The following ADGRA2 variants were observed in gnomAD, a reference collection of about 807,000 sequenced individuals.
The protein encoded by ADGRA2 is adhesion G protein-coupled receptor A2.
In ADGRA2, 61 loss-of-function variants were observed where a neutral mutation model predicts 98.7. The observed-to-expected ratio is 0.62, with a 90% CI of 0.50 to 0.76. ADGRA2 has a LOEUF of 0.76. ADGRA2 is among the 30% of genes least tolerant of loss of function. The pLI, the probability that ADGRA2 is intolerant of heterozygous loss-of-function variation, is 0.00. For missense variants in ADGRA2, 1,712 were observed against 1,860.0 expected, an observed-to-expected ratio of 0.92 and a Z score of 1.46; for synonymous variants, 858 against 831.5, an observed-to-expected ratio of 1.03 and a Z score of -0.55.
chr8:37,831,413 C>T lies in ADGRA2; in HGVS notation c.933-10C>T, dbSNP rs1193391167. On this transcript the variant is annotated splice_polypyrimidine_tract_variant and intron_variant, in intron 7 of 18. Transcript: ENST00000412232. ...GTGACTCACGAGCCAGCTCCACCTG[C>T]CACCCGCAGTGAGCTGACGCTGTCT... 2 of 1,608,086 alleles carry T rather than the reference C, an allele frequency of 1.2e-6. No individual in the cohort carries two copies. Among genetic ancestry groups the T allele is most frequent in the Non-Finnish European group, 8.5e-7 (1 of 1,179,364 alleles).
intron 17 of ADGRA2, 104 bp downstream of exon 17, chr8:37,840,370 T>C: frequency 7.9e-7 from 1 of 1,261,372 alleles, no homozygotes; most frequent in Non-Finnish European, 1.1e-6. Flanking sequence ...CCCTGGGAGA[T>C]CACTCTCCAA....
In ADGRA2 at chr8:37,834,078, G is replaced by A. The variant is rs1217024867; in HGVS notation, c.1558G>A (p.Glu520Lys). ...KACSRIVGALERIGGAALSPH... is the reference protein window; with the variant it reads ...KACSRIVGALKRIGGAALSPH... ...CTGCAGCCGCATCGTGGGTGCCCTG[G>A]AGCGCATTGGGGGGGCCGCCCTCAG... is the stretch of plus-strand genomic sequence containing the variant. Residue 520 changes from glutamate (E) to lysine (K), a missense_variant, in exon 11 of 19, where the codon GAG becomes AAG. Physicochemically the swap from Glu to Lys is moderately conservative, Grantham distance 56 (BLOSUM62 1). Coordinates refer to ENST00000412232, the MANE Select transcript of ADGRA2 (RefSeq NM_032777.10). This position sits in a 1 kb window ranked among gnomAD's most constrained non-coding sequence, Gnocchi z 4.2. 1 of 1,612,832 alleles carries A rather than the reference G, an allele frequency of 6.2e-7. No homozygotes were observed. Among genetic ancestry groups the A allele is most frequent in the Non-Finnish European group, 8.5e-7 (1 of 1,179,946 alleles).
rs1203425427 is a variant in ADGRA2, at chr8:37,834,551, G to A, written c.1608+423G>A. Among the ~76,000 whole-genome samples, 2 of 152,186 alleles carry A rather than the reference G, an allele frequency of 1.3e-5. No homozygotes were observed. The highest frequency in any genetic ancestry group is 2.9e-5 in the Non-Finnish European group (2 of 68,028). ...AGATATTGTGCTAGGCCCTTGGGGC[G>A]ATGCAAAGGGGTGAGACATGGAGCC... On this transcript the variant is annotated intron_variant, in intron 11 of 18. Transcript: ENST00000412232. The surrounding 1 kb of genome is among the most constrained non-coding windows in gnomAD (Gnocchi z 4.2).
At chr8:37,827,130 T>A (rs1481054357) in intron 2 of ADGRA2, among the ~76,000 whole-genome samples, 2 of 152,226 alleles carry the variant, frequency 1.3e-5, no homozygotes, top group African/African-American at 2.4e-5. Context: ...GGAGGCCCAC[T>A]GGGCTGTGAG....
chr8:37,805,880 A>G (rs1287647720), intron 1 of ADGRA2, among the ~76,000 whole-genome samples: 1 of 151,952 alleles, frequency 6.6e-6, no homozygotes. Flanking sequence ...AACAAAAACA[A>G]ACAAACAAAC....
At chr8:37,819,511 G>A (rs1275587978) in intron 2 of ADGRA2, among the ~76,000 whole-genome samples, 1 of 152,088 alleles carries the variant, frequency 6.6e-6, no homozygotes, top group Admixed American at 6.5e-5. Flanking sequence ...TGGGATTACA[G>A]GCACACGCCA....
chr8:37,813,617 C>G (rs537395814), intron 1 of ADGRA2, among the ~76,000 whole-genome samples: 2 of 152,266 alleles, frequency 1.3e-5, no homozygotes, highest in East Asian at 3.9e-4. Context: ...TAGGCAGGGA[C>G]TGGACGGGTG....
chr8:37,828,443 G>A (rs985146669), intron 2 of ADGRA2, among the ~76,000 whole-genome samples: 1 of 150,116 alleles, frequency 6.7e-6, no homozygotes, highest in African/African-American at 2.4e-5. Flanking sequence ...GCTGATGGTA[G>A]CCAGGGAGGC....
intron 2 of ADGRA2, among the ~76,000 whole-genome samples, chr8:37,817,127 C>T (rs1365727045): frequency 6.6e-6 from 1 of 152,130 alleles, no homozygotes; most frequent in African/African-American, 2.4e-5. Context: ...GACACCCATT[C>T]CACCGTGGAA....
rs779131291 is a variant in ADGRA2 at position 37,841,654 on chromosome 8, G to T, written c.3316G>T (p.Gly1106Cys). The change falls in exon 19 of 19, where the codon GGT becomes TGT. Residue 1106 changes from glycine to cysteine, a missense_variant. Physicochemically the swap from Gly to Cys is radical, Grantham distance 159. Coordinates refer to ENST00000412232, the MANE Select transcript of ADGRA2 (RefSeq NM_032777.10). This position sits in a 1 kb window ranked among gnomAD's most constrained non-coding sequence, Gnocchi z 5.0. Reference protein sequence around the residue: ...PRALPAAAEDGSPVFGEGPPS... With the variant: ...PRALPAAAEDCSPVFGEGPPS... ...GGCCCTGCCCGCCGCCGCAGAGGAC[G>T]GTTCCCCGGTGTTCGGGGAGGGCCC... is the stretch of plus-strand genomic sequence containing the variant. 1 of 1,525,118 alleles carries T rather than the reference G, an allele frequency of 6.6e-7. No individual in the cohort carries two copies. The highest frequency in any genetic ancestry group is 8.8e-7 in the Non-Finnish European group (1 of 1,136,212). 94.5% of individuals were successfully genotyped at this position (1,525,118 alleles called of 1,614,324 possible).
chr8:37,811,781 T>C (rs1804839617), intron 1 of ADGRA2, among the ~76,000 whole-genome samples: 1 of 151,050 alleles, frequency 6.6e-6, no homozygotes, highest in African/African-American at 2.4e-5. Context: ...TGGCCCAACT[T>C]TTAAACTTTT....
Position 37,797,137 on chromosome 8 carries a change from C to A in ADGRA2, c.-132C>A, listed in dbSNP as rs1021966360. 3.2e-5 allele frequency: 20 copies of A among 632,834 alleles called. No homozygotes were observed. In the African/African-American group the frequency reaches 3.5e-4, roughly 11 times the overall value. The allele number at this position is 632,834 out of a possible 1,614,324, so 39.2% of individuals were successfully genotyped here. On this transcript the variant is annotated 5_prime_UTR_variant, in exon 1 of 19. Coordinates refer to ENST00000412232, the MANE Select transcript of ADGRA2 (RefSeq NM_032777.10). This position sits in a 1 kb window ranked among gnomAD's most constrained non-coding sequence, Gnocchi z 5.3. ...GCGGCGGGGACCCCGGGGCTCGCCT[C>A]CGCCCAGGGCCCCCCTCCACGCCCT...
chr8:37,835,912 C>A (rs1432823195), intron 13 of ADGRA2, 142 bp downstream of exon 13: 4 of 632,846 alleles, frequency 6.3e-6, no homozygotes, highest in Non-Finnish European at 1.1e-5. Context: ...CACCTTTTCC[C>A]AACAGGGCAG....
intron 2 of ADGRA2, among the ~76,000 whole-genome samples, chr8:37,823,022 C>T (rs970029763): frequency 8.0e-5 from 12 of 150,942 alleles, no homozygotes; most frequent in African/African-American, 2.9e-4. Flanking sequence ...CTCCTGAGTA[C>T]CTGGGATTAC....
In ADGRA2 at chr8:37,841,239, G is replaced by A; in HGVS notation, c.2901G>A (p.Leu967=). The A allele has an allele frequency of 1.2e-6, 2 of 1,613,456 alleles. No individual in the cohort carries two copies. The highest frequency in any genetic ancestry group is 1.7e-6 in the Non-Finnish European group (2 of 1,179,880). ...AGGCGGGCAACAGCAGGGCCTCCCT[G>A]GAGGCAGGGGAGGAGCTGAGGGGTT... The part of the protein sequence containing the change: ...NPKAGNSRAS[L]EAGEELRGST... Residue 967 remains leucine (L), a synonymous_variant, in exon 19 of 19, where the codon CTG becomes CTA. Coordinates refer to ENST00000412232, the MANE Select transcript of ADGRA2 (RefSeq NM_032777.10). The surrounding 1 kb of genome is among the most constrained non-coding windows in gnomAD (Gnocchi z 5.0).
chr8:37,807,790 T>G (rs1399686944), intron 1 of ADGRA2, among the ~76,000 whole-genome samples: 2 of 152,132 alleles, frequency 1.3e-5, no homozygotes, highest in Non-Finnish European at 2.9e-5. Flanking sequence ...CGATGGAGGC[T>G]CCAGGATCAG....
At chr8:37,816,363 C>T (rs549839150) in intron 2 of ADGRA2, among the ~76,000 whole-genome samples, 4 of 152,070 alleles carry the variant, frequency 2.6e-5, no homozygotes, top group African/African-American at 7.2e-5. Flanking sequence ...GAGGCCGAGG[C>T]GGGTGGATCA....
At chr8:37,827,550 C>T (rs919077038) in intron 2 of ADGRA2, among the ~76,000 whole-genome samples, 13 of 152,250 alleles carry the variant, frequency 8.5e-5, no homozygotes, top group African/African-American at 3.1e-4. Context: ...CTGCCGCTCA[C>T]TCCTCCAGGC....
At chr8:37,828,570 TC>T (rs1313813486) in intron 2 of ADGRA2, among the ~76,000 whole-genome samples, 2 of 135,734 alleles carry the variant, frequency 1.5e-5, no homozygotes, top group Non-Finnish European at 3.1e-5. Flanking sequence ...CCCTGCAGCC[TC>T]CGCCTCCCGG....
Sources: gnomAD v4.1 joint callset for allele counts (sites outside exome capture counted in the v4.1 genomes callset) on GRCh38, gnomAD v4.1.1 for gene constraint, Gnocchi (gnomAD v3.1) non-coding constraint, MANE v1.5 for transcripts, NCBI Gene and HGNC (gene_info 2026-07-23, HGNC 2026-07-21) for gene names.